RTL4: variants seen among roughly 807,000 people sequenced by gnomAD.
The protein encoded by RTL4 is retrotransposon Gag-like protein 4.
A neutral mutation model predicts 5.3 loss-of-function variants in RTL4; 4 were observed. That is an observed-to-expected ratio of 0.75 (90% confidence interval 0.37 to 1.72). The LOEUF (loss-of-function observed/expected upper bound fraction) is 1.72. Among genes scored for constraint, RTL4 ranks in the 40% most tolerant of loss-of-function variants. The probability of loss-of-function intolerance (pLI) is 0.04; values close to 1 mark genes in which losing one functional copy is unlikely to be tolerated. For missense variants in RTL4, 260 were observed against 227.1 expected (o/e 1.14, Z -0.93); for synonymous variants, 98 against 87.3 (o/e 1.12, Z -0.68).
the RTL4 span, among the ~76,000 whole-genome samples, chrX:112,209,607 A>G: frequency 9.0e-6 from 1 of 111,491 alleles, no homozygotes; most frequent in South Asian, 3.8e-4. Flanking sequence ...GGGTGGCAGG[A>G]GTGGAGACGA....
chrX:112,186,705 T>C, the RTL4 span, among the ~76,000 whole-genome samples: 1 of 111,914 alleles, frequency 8.9e-6, no homozygotes, highest in East Asian at 2.8e-4. Flanking sequence ...GAAACCTCAG[T>C]AGCACCAAGA....
the RTL4 span, among the ~76,000 whole-genome samples, chrX:112,389,504 A>C: frequency 9.0e-6 from 1 of 110,832 alleles, no homozygotes; most frequent in Admixed American, 9.6e-5. Flanking sequence ...TTTTAATTTG[A>C]GATCTTTCTA....
the RTL4 span, among the ~76,000 whole-genome samples, chrX:112,207,924 A>G: frequency 9.0e-6 from 1 of 110,857 alleles, no homozygotes; most frequent in South Asian, 3.9e-4. Context: ...TTCTAAATAT[A>G]TATTTAACAG....
the RTL4 span, among the ~76,000 whole-genome samples, chrX:112,114,692 G>A: frequency 9.0e-6 from 1 of 111,303 alleles, no homozygotes; most frequent in Admixed American, 9.5e-5. Context: ...GTTTCCTTCT[G>A]GGCAGGGGAG....
the RTL4 span, among the ~76,000 whole-genome samples, chrX:112,141,900 G>C: frequency 9.0e-6 from 1 of 111,646 alleles, no homozygotes; most frequent in African/African-American, 3.3e-5. Context: ...AATAACTAAG[G>C]GTTTTGGAAT....
chrX:112,255,950 A>G, the RTL4 span, among the ~76,000 whole-genome samples: 187 of 111,699 alleles, frequency 1.7e-3, no homozygotes, highest in African/African-American at 5.6e-3. Flanking sequence ...CTTGATCTGG[A>G]TAAGATTCTA....
At chrX:112,097,878 T>C in the RTL4 span, among the ~76,000 whole-genome samples, 1 of 111,359 alleles carries the variant, frequency 9.0e-6, no homozygotes, top group Non-Finnish European at 1.9e-5. Context: ...CCAGGAATCT[T>C]TTTTTCAATT....
the RTL4 span, among the ~76,000 whole-genome samples, chrX:112,148,399 T>C: frequency 5.5e-5 from 6 of 108,783 alleles, no homozygotes; most frequent in African/African-American, 1.7e-4. Flanking sequence ...ATACAGGCAA[T>C]AGCCTGCAAG....
the RTL4 span, among the ~76,000 whole-genome samples, chrX:112,441,821 T>G: frequency 2.7e-5 from 3 of 112,203 alleles, no homozygotes; most frequent in Non-Finnish European, 5.6e-5. Context: ...TATGTAGACA[T>G]GCAGACTTGT....
At chrX:112,134,182 C>G in the RTL4 span, among the ~76,000 whole-genome samples, 1 of 112,021 alleles carries the variant, frequency 8.9e-6, no homozygotes, top group Non-Finnish European at 1.9e-5. Flanking sequence ...CTGATTGAAG[C>G]AGGATTACCT....
the RTL4 span, among the ~76,000 whole-genome samples, chrX:112,169,210 G>C: frequency 1.9e-5 from 2 of 108,053 alleles, no homozygotes; most frequent in South Asian, 4.1e-4. Flanking sequence ...CGTCTCCCAG[G>C]TTTAAGTGAT....
the RTL4 span, among the ~76,000 whole-genome samples, chrX:112,223,539 G>A: frequency 3.6e-5 from 4 of 112,205 alleles, no homozygotes; most frequent in African/African-American, 9.7e-5. Flanking sequence ...CAGCTCTTCC[G>A]TGTAATCTAG....
chrX:112,421,347 T>C, the RTL4 span, among the ~76,000 whole-genome samples: 3 of 111,871 alleles, frequency 2.7e-5, no homozygotes, highest in Non-Finnish European at 5.6e-5. Flanking sequence ...CCAGAATTCA[T>C]GCTGGAGAAT....
At chrX:112,151,913 C>T in the RTL4 span, among the ~76,000 whole-genome samples, 2 of 111,865 alleles carry the variant, frequency 1.8e-5, no homozygotes. Context: ...GGGAAGTAGC[C>T]CCTGTGGGAC....
chrX:112,322,915 A>C, the RTL4 span, among the ~76,000 whole-genome samples: 1 of 111,933 alleles, frequency 8.9e-6, no homozygotes, highest in Non-Finnish European at 1.9e-5. Context: ...AATTAGATGT[A>C]CTATAATTTA....
chrX:112,293,547 A>G, the RTL4 span, among the ~76,000 whole-genome samples: 4 of 112,180 alleles, frequency 3.6e-5, no homozygotes, highest in African/African-American at 1.3e-4. Flanking sequence ...TTTTCCATGC[A>G]GTCATCTAAA....
the RTL4 span, among the ~76,000 whole-genome samples, chrX:112,377,904 T>C: frequency 8.9e-6 from 1 of 112,145 alleles, no homozygotes; most frequent in East Asian, 2.8e-4. Flanking sequence ...TTATATACCA[T>C]TTGAAATGCT....
At chrX:112,393,551 G>A in the RTL4 span, among the ~76,000 whole-genome samples, 3 of 112,041 alleles carry the variant, frequency 2.7e-5, no homozygotes, top group African/African-American at 9.7e-5. Flanking sequence ...CAGTGAGTAG[G>A]AAGAAGATTG....
At chrX:112,403,242 T>A in the RTL4 span, among the ~76,000 whole-genome samples, 1 of 112,138 alleles carries the variant, frequency 8.9e-6, no homozygotes, top group Admixed American at 9.5e-5. Context: ...TTGGCTTTAG[T>A]AAACAGACTA....
Sources: gnomAD v4.1 joint callset for allele counts (sites outside exome capture counted in the v4.1 genomes callset) on GRCh38, gnomAD v4.1.1 for gene constraint, MANE v1.5 for transcripts, NCBI Gene and HGNC (gene_info 2026-07-23, HGNC 2026-07-21) for gene names.